AUTS2: variants seen among roughly 807,000 people sequenced by gnomAD.
AUTS2 encodes the protein autism susceptibility gene 2 protein.
Under a neutral mutation model 112.4 loss-of-function variants are expected in AUTS2, and 17 were observed. That is an observed-to-expected ratio of 0.15 (90% CI 0.10 to 0.23). AUTS2 has a LOEUF of 0.23. Ranked by LOEUF, AUTS2 falls within the 10% of genes least tolerant of loss-of-function variation. The pLI, the probability that AUTS2 is intolerant of heterozygous loss-of-function variation, is 1.00. For missense variants in AUTS2, 1,510 were observed against 1,701.6 expected, an observed-to-expected ratio of 0.89 and a Z score of 1.98; for synonymous variants, 751 against 702.7, an observed-to-expected ratio of 1.07 and a Z score of -1.09.
At chr7:70,384,796 A>G (rs1000062671) in intron 4 of AUTS2, among the ~76,000 whole-genome samples, 3 of 152,202 alleles carry the variant, frequency 2.0e-5, no homozygotes, top group Admixed American at 1.3e-4. Context: ...CTCAAAGCAG[A>G]GGGTTCTGAT....
intron 4 of AUTS2, among the ~76,000 whole-genome samples, chr7:70,368,196 C>G (rs547371632): frequency 6.6e-6 from 1 of 152,266 alleles, no homozygotes; most frequent in African/African-American, 2.4e-5. Context: ...TTAGTACTAC[C>G]TACCTCTTGG....
At chr7:69,903,816 C>T (rs961071616) in intron 2 of AUTS2, among the ~76,000 whole-genome samples, 6 of 152,154 alleles carry the variant, frequency 3.9e-5, no homozygotes, top group African/African-American at 1.4e-4. Flanking sequence ...AGACTCTAAC[C>T]TTGCTGGTAA....
At chr7:70,081,008 A>T (rs1803276967) in intron 2 of AUTS2, among the ~76,000 whole-genome samples, 1 of 152,150 alleles carries the variant, frequency 6.6e-6, no homozygotes, top group Non-Finnish European at 1.5e-5. Context: ...AAAGCAGGCA[A>T]TTTAGTTATC....
intron 5 of AUTS2, among the ~76,000 whole-genome samples, chr7:70,531,000 A>G (rs1431570397): frequency 1.3e-5 from 2 of 152,166 alleles, no homozygotes; most frequent in South Asian, 2.1e-4. Context: ...GGCAGGCCTC[A>G]TGGATGTTTT....
At chr7:70,349,615 T>C (rs1024902048) in intron 4 of AUTS2, among the ~76,000 whole-genome samples, 1 of 152,052 alleles carries the variant, frequency 6.6e-6, no homozygotes, top group Non-Finnish European at 1.5e-5. Flanking sequence ...TGTTACACTG[T>C]AACATAATCA....
intron 6 of AUTS2, among the ~76,000 whole-genome samples, chr7:70,713,589 G>A (rs978778150): frequency 1.3e-5 from 2 of 152,182 alleles, no homozygotes; most frequent in African/African-American, 4.8e-5. Context: ...ATTAGCTAGA[G>A]GACTTGTTAA....
intron 2 of AUTS2, among the ~76,000 whole-genome samples, chr7:70,068,042 TATA>T (rs1468691240): frequency 6.6e-6 from 1 of 152,138 alleles, no homozygotes; most frequent in Non-Finnish European, 1.5e-5. Flanking sequence ...AAGTGTAACA[TATA>T]ATAATATTTG....
chr7:70,753,873 T>C (rs1299047136), intron 6 of AUTS2, among the ~76,000 whole-genome samples: 1 of 152,194 alleles, frequency 6.6e-6, no homozygotes, highest in African/African-American at 2.4e-5. Flanking sequence ...ATAATGAACA[T>C]TGGCCGGGCG....
At chr7:70,245,226 T>G (rs999302194) in intron 4 of AUTS2, among the ~76,000 whole-genome samples, 2 of 150,610 alleles carry the variant, frequency 1.3e-5, no homozygotes, top group African/African-American at 4.9e-5. Flanking sequence ...TTAGAAGTAT[T>G]GCAGTTTTTT....
intron 1 of AUTS2, among the ~76,000 whole-genome samples, chr7:69,688,318 A>G (rs1182864769): frequency 2.6e-5 from 4 of 152,210 alleles, no homozygotes; most frequent in African/African-American, 9.6e-5. Flanking sequence ...TGTTGGTTGA[A>G]TGAGGTGCTG....
chr7:70,705,117 A>G (rs1052887247), intron 6 of AUTS2, among the ~76,000 whole-genome samples: 1 of 152,228 alleles, frequency 6.6e-6, no homozygotes, highest in East Asian at 1.9e-4. Context: ...AAGCAGCAAT[A>G]AGTTCCTCAG....
chr7:70,521,413 G>A (rs1799642100), intron 5 of AUTS2, among the ~76,000 whole-genome samples: 1 of 152,184 alleles, frequency 6.6e-6, no homozygotes. Flanking sequence ...TACCATGTGA[G>A]ACCAAGCAAG....
chr7:70,397,658 TAC>T (rs145934747), intron 4 of AUTS2, among the ~76,000 whole-genome samples: 237 of 148,726 alleles, frequency 1.6e-3, no homozygotes, highest in Middle Eastern at 3.5e-3. Context: ...TACATGTATG[TAC>T]ACACACACAC....
chr7:70,663,098 A>G (rs1365734349), intron 5 of AUTS2, among the ~76,000 whole-genome samples: 10 of 152,322 alleles, frequency 6.6e-5, no homozygotes, highest in Non-Finnish European at 1.5e-4. Context: ...GAACTAGAAT[A>G]AAGTTTAAGC....
At chr7:70,210,169 C>G (rs1253755268) in intron 4 of AUTS2, among the ~76,000 whole-genome samples, 2 of 152,186 alleles carry the variant, frequency 1.3e-5, no homozygotes, top group African/African-American at 4.8e-5. Context: ...TAACCCTTCT[C>G]ACTTCCCCAC....
chr7:69,879,773 C>T lies in AUTS2; in HGVS notation c.310-19513C>T, dbSNP rs190962117. Among the ~76,000 whole-genome samples, 20 of 152,218 alleles carry T rather than the reference C, an allele frequency of 1.3e-4. 1 individual carries two copies. The Middle Eastern group carries it at 0.01, about 78-fold the overall frequency. On this transcript the variant is annotated intron_variant, in intron 1 of 18. Transcript: ENST00000342771. ...ACACCTGCCTTGCCACTGTGAATCACGGCCCTCAGTCCTTTCCTGTGAAAA... is the reference window on the plus strand; with the variant it reads ...ACACCTGCCTTGCCACTGTGAATCATGGCCCTCAGTCCTTTCCTGTGAAAA...
chr7:70,557,647 C>T (rs1485260818), intron 5 of AUTS2, among the ~76,000 whole-genome samples: 1 of 152,176 alleles, frequency 6.6e-6, no homozygotes. Flanking sequence ...TTAATCAGTG[C>T]CAGTGCAGTT....
At chr7:69,824,340 C>T (rs1013718873) in intron 1 of AUTS2, among the ~76,000 whole-genome samples, 12 of 151,202 alleles carry the variant, frequency 7.9e-5, no homozygotes, top group African/African-American at 2.2e-4. Flanking sequence ...ACCTGGGAGG[C>T]GGAGCTTGCA....
At chr7:70,306,919 C>T (rs1789518762) in intron 4 of AUTS2, among the ~76,000 whole-genome samples, 1 of 152,230 alleles carries the variant, frequency 6.6e-6, no homozygotes, top group African/African-American at 2.4e-5. Context: ...TGGACTAAGC[C>T]ATCTCACTAT....
Sources: allele counts gnomAD v4.1 joint callset (sites outside exome capture counted in the v4.1 genomes callset), GRCh38; gene constraint gnomAD v4.1.1; transcripts MANE v1.5; gene names NCBI Gene and HGNC (gene_info 2026-07-23, HGNC 2026-07-21).